Variants in KLHL35 observed in about 807,000 individuals in gnomAD.
KLHL35 encodes the protein kelch-like protein 35.
In KLHL35, 50 loss-of-function variants were observed where a neutral mutation model predicts 44.0. The ratio of observed to expected loss-of-function variants is 1.14; its 90% CI spans 0.91 to 1.44. The LOEUF (loss-of-function observed/expected upper bound fraction) is 1.44, where lower values mean the gene tolerates loss of function less well. Ranked by LOEUF, KLHL35 falls within the 40% of genes most tolerant of loss-of-function variation. The probability of loss-of-function intolerance (pLI) is 0.00; values close to 1 mark genes in which losing one functional copy is unlikely to be tolerated. For missense variants in KLHL35, 1,049 were observed against 887.8 expected, an observed-to-expected ratio of 1.18 and a Z score of -2.31; for synonymous variants, 470 against 410.4, an observed-to-expected ratio of 1.15 and a Z score of -1.76.
Position 75,430,605 on chromosome 11 carries a change from C to A in KLHL35, c.25G>T (p.Glu9Ter), listed in dbSNP as rs1232798434. 1.4e-6 allele frequency: 2 copies of A among 1,409,390 alleles called. No homozygotes were observed. The highest frequency in any genetic ancestry group is 3.0e-5 in the African/African-American group (2 of 66,436). 87.3% of individuals were successfully genotyped at this position (1,409,390 alleles called of 1,614,324 possible). The change falls in exon 2 of 7, where the codon GAG (glutamate) becomes TAG (stop). Residue 9 changes from glutamate to a stop codon, truncating the protein, a stop_gained. Coordinates refer to ENST00000539798, the MANE Select transcript of KLHL35 (RefSeq NM_001039548.3). LOFTEE classifies it high-confidence loss of function. ...GGCGCTTCGCAGCCCGGCTCCGACT[C>A]CTCCGGCGCATGGCCTTGCCGCATC... Reference protein sequence around the residue: MRQGHAPEESEPGCEAPCA... With the variant: MRQGHAPE
intron 1 of KLHL35, among the ~76,000 whole-genome samples, chr11:75,432,209 T>G (rs1012387200): frequency 6.6e-6 from 1 of 152,174 alleles, no homozygotes; most frequent in Admixed American, 6.5e-5. Context: ...TCCATCCTCC[T>G]GCTCCCAGCT....
chr11:75,423,527 C>G, intron 6 of KLHL35, 165 bp downstream of exon 6: 1 of 657,440 alleles, frequency 1.5e-6, no homozygotes. Context: ...CTCTCTAAGG[C>G]CAGTCTCCTC....
chr11:75,431,108 G>A (rs1293971110), intron 1 of KLHL35, among the ~76,000 whole-genome samples: 1 of 152,138 alleles, frequency 6.6e-6, no homozygotes, highest in Non-Finnish European at 1.5e-5. Context: ...TCCCGTGACA[G>A]GAGCTGAAGC....
In KLHL35 at chr11:75,432,733, CCCCA is replaced by C. The variant is rs1422938102; in HGVS notation, c.-2+306_-2+309del. On this transcript the variant is annotated intron_variant, in intron 1 of 6. Transcript: ENST00000539798. ...CAGATCCAGCATTCACTCTGGGGAT[CCCCA>C]GTCTGGGGGTCAAACGACACCCAGT... 2.0e-3 allele frequency among the ~76,000 whole-genome samples: 303 copies of C among 152,304 alleles called. 1 individual carries two copies. Among genetic ancestry groups the C allele is most frequent in the African/African-American group, 7.0e-3 (290 of 41,546 alleles).
intron 5 of KLHL35, chr11:75,424,523 G>C (rs1948475345): frequency 6.6e-6 from 1 of 151,250 alleles, no homozygotes; most frequent in African/African-American, 2.5e-5. Context: ...CTCACTCTCT[G>C]TTTCCTCAAC....
chr11:75,429,206 G>C (rs1460846089), intron 2 of KLHL35, among the ~76,000 whole-genome samples: 1 of 152,134 alleles, frequency 6.6e-6, no homozygotes, highest in Non-Finnish European at 1.5e-5. Flanking sequence ...GACGCCACCA[G>C]AATTTCCATA....
At position 75,430,397 on chromosome 11, in the gene KLHL35, C is replaced by T. The variant is rs1948526636; in HGVS notation, c.233G>A (p.Gly78Asp). 1 of 1,370,842 alleles carries T rather than the reference C, an allele frequency of 7.3e-7. No individual in the cohort carries two copies. The allele number at this position is 1,370,842 out of a possible 1,614,324, so 84.9% of individuals were successfully genotyped here. ...TGGCACCACTGGCACCACGGCCGGG[C>T]CGCGCTCGGGCCGCCCGGCCGCGAA... is the stretch of plus-strand genomic sequence containing the variant. ...SLFAAGRPER[G>D]PAVVPVVPVA... Residue 78 changes from glycine to aspartate, a missense_variant, in exon 2 of 7, where the codon GGC becomes GAC. Gly to Asp is a moderately conservative substitution (Grantham distance 94). Transcript: ENST00000539798.
intron 5 of KLHL35, chr11:75,424,604 G>A (rs1210869578): frequency 6.6e-6 from 1 of 152,296 alleles, no homozygotes; most frequent in East Asian, 1.9e-4. Flanking sequence ...GGTGTTAAAT[G>A]GGGCCTCCCA....
At chr11:75,431,210 A>G (rs991371672) in intron 1 of KLHL35, among the ~76,000 whole-genome samples, 1 of 152,162 alleles carries the variant, frequency 6.6e-6, no homozygotes, top group Non-Finnish European at 1.5e-5. Context: ...CCCTCTGCTC[A>G]ATCCAGCCTG....
chr11:75,423,824 G>A lies in KLHL35; in HGVS notation c.1431C>T (p.Phe477=). The part of the protein sequence containing the change: ...DRWSLRSPAP[F]SQRCLEAVSL... Reference sequence around the variant, plus strand: ...AGACAGCCTCGAGACACCGCTGTGAGAAGGGTGCTGGTGACCGCAGGCTCC... The same window carrying A: ...AGACAGCCTCGAGACACCGCTGTGAAAAGGGTGCTGGTGACCGCAGGCTCC... Residue 477 remains phenylalanine (F), a synonymous_variant, in exon 6 of 7, where the codon TTC becomes TTT. Coordinates refer to ENST00000539798, the MANE Select transcript of KLHL35 (RefSeq NM_001039548.3). 1 of 1,613,910 alleles carries A rather than the reference G, an allele frequency of 6.2e-7. No homozygotes were observed. Among genetic ancestry groups the A allele is most frequent in the Non-Finnish European group, 8.5e-7 (1 of 1,179,854 alleles).
chr11:75,425,916 T>A (rs1948487430), intron 4 of KLHL35: 1 of 295,192 alleles, frequency 3.4e-6, no homozygotes, highest in East Asian at 5.6e-5. Flanking sequence ...AAGAAGCATC[T>A]TTGTTTCTGA....
At chr11:75,432,230 C>T (rs1198198866) in intron 1 of KLHL35, among the ~76,000 whole-genome samples, 1 of 152,220 alleles carries the variant, frequency 6.6e-6, no homozygotes, top group South Asian at 2.1e-4. Flanking sequence ...GCTCTGCTGC[C>T]TCTGGAGGTC....
At chr11:75,427,360 T>C (rs940252460) in intron 3 of KLHL35, among the ~76,000 whole-genome samples, 1 of 152,142 alleles carries the variant, frequency 6.6e-6, no homozygotes, top group Non-Finnish European at 1.5e-5. Context: ...CCTGGGGATC[T>C]TGGCCAGGGA....
At position 75,428,452 on chromosome 11, in the gene KLHL35, G is replaced by A; in HGVS notation, c.1056C>T (p.Val352=). ...CGGCTCCGCCCTCACCGGAGACGTAGACGTCATTGCGGAGAGCACAGGCGG... is the reference window on the plus strand; with the variant it reads ...CGGCTCCGCCCTCACCGGAGACGTAAACGTCATTGCGGAGAGCACAGGCGG... ...EFAACALRND[V]YVSGGHINSH... The change falls in exon 3 of 7, where the codon GTC becomes GTT. Residue 352 remains valine, a synonymous_variant. Transcript: ENST00000539798. The A allele has an allele frequency of 6.2e-7, 1 of 1,612,498 alleles. No homozygotes were observed. Among genetic ancestry groups the A allele is most frequent in the South Asian group, 1.1e-5 (1 of 91,084 alleles).
At chr11:75,422,843 T>C in intron 6 of KLHL35, 75 bp from the exon 7 acceptor site, 5 of 1,372,694 alleles carry the variant, frequency 3.6e-6, no homozygotes, top group Non-Finnish European at 5.1e-6. Flanking sequence ...CCAGGCCAGA[T>C]AATAGAACCT....
chr11:75,430,504 G>A lies in KLHL35; in HGVS notation c.126C>T (p.Asp42=). ...NAYRRSGTLT[D]VVLRAGGRDF... is the part of the protein sequence containing the mutation. ...CGCGCCCGCCGGCGCGCAGCACCAC[G>A]TCGGTGAGGGTGCCGCTCCGCCGGT... Residue 42 remains aspartate, a synonymous_variant, in exon 2 of 7, where the codon GAC becomes GAT. Coordinates refer to ENST00000539798, the MANE Select transcript of KLHL35 (RefSeq NM_001039548.3). 6.9e-7 allele frequency: 1 copy of A among 1,440,486 alleles called. No individual in the cohort carries two copies. The highest frequency in any genetic ancestry group is 1.5e-5 in the African/African-American group (1 of 67,328). 89.2% of individuals were successfully genotyped at this position (1,440,486 alleles called of 1,614,324 possible). A position where few individuals can be genotyped will look rare whatever the true frequency, so the allele number is the denominator to read the frequency against.
chr11:75,428,560 C>CA lies in KLHL35; in HGVS notation c.947dup (p.Pro317AlafsTer35). 1 of 1,611,328 alleles carries CA rather than the reference C, an allele frequency of 6.2e-7. No individual in the cohort carries two copies. Among genetic ancestry groups the CA allele is most frequent in the South Asian group, 1.1e-5 (1 of 91,028 alleles). ...CTGGATGGTAGGCATCGGCGAAGGG[C>CA]AGCTTCAGGAGACCTTTGCGGTCGC... On this transcript the variant is annotated frameshift_variant, in exon 3 of 7. Coordinates refer to ENST00000539798, the MANE Select transcript of KLHL35 (RefSeq NM_001039548.3). LOFTEE classifies it high-confidence loss of function.
chr11:75,432,680 G>A (rs566213342), intron 1 of KLHL35, among the ~76,000 whole-genome samples: 2 of 152,214 alleles, frequency 1.3e-5, no homozygotes, highest in South Asian at 2.1e-4. Context: ...TGTCTACTGC[G>A]CTGGGCACTC....
intron 2 of KLHL35, 152 bp from the exon 3 acceptor site, chr11:75,428,778 C>T (rs539340495): frequency 3.2e-6 from 2 of 626,656 alleles, no homozygotes; most frequent in Non-Finnish European, 5.2e-6. Flanking sequence ...TCCCGCTAGA[C>T]CCTGCCACTT....
Sources: gnomAD v4.1 joint callset for allele counts (sites outside exome capture counted in the v4.1 genomes callset) on GRCh38, gnomAD v4.1.1 for gene constraint, MANE v1.5 for transcripts, NCBI Gene and HGNC (gene_info 2026-07-23, HGNC 2026-07-21) for gene names.